CUBN: variants seen among roughly 807,000 people sequenced by gnomAD.
CUBN encodes cubilin, also known as 460 kDa receptor.
CUBN carries 282 observed loss-of-function variants against 405.3 expected under a neutral mutation model. The ratio of observed to expected loss-of-function variants is 0.70; its 90% CI spans 0.63 to 0.77. CUBN has a LOEUF of 0.77. Ranked by LOEUF, CUBN falls within the 30% of genes least tolerant of loss-of-function variation. The pLI is 0.00. For missense variants in CUBN, 4,514 were observed against 4,475.2 expected (o/e 1.01, Z -0.25); for synonymous variants, 1,684 against 1,617.0 (o/e 1.04, Z -0.99).
intron 59 of CUBN, among the ~76,000 whole-genome samples, chr10:16,861,674 GT>G (rs567330373): frequency 2.5e-3 from 383 of 152,174 alleles, no homozygotes; most frequent in Non-Finnish European, 4.5e-3. Context: ...TACAAACTGA[GT>G]TTGAATCTGG....
intron 22 of CUBN, among the ~76,000 whole-genome samples, chr10:17,052,139 A>C (rs1298266072): frequency 6.6e-6 from 1 of 152,190 alleles, no homozygotes; most frequent in East Asian, 1.9e-4. Flanking sequence ...AAGAAAATGG[A>C]ATACATCTTT....
At chr10:17,115,438 C>T in intron 7 of CUBN, 33 bp downstream of exon 7, 4 of 1,612,846 alleles carry the variant, frequency 2.5e-6, no homozygotes, top group East Asian at 4.5e-5. Context: ...CCATGGCTCT[C>T]TGCAAGGAGG....
At chr10:16,941,016 A>G (rs747823191) in intron 36 of CUBN, among the ~76,000 whole-genome samples, 26 of 152,230 alleles carry the variant, frequency 1.7e-4, no homozygotes, top group Non-Finnish European at 2.2e-4. Flanking sequence ...GATAGGAAAT[A>G]GTATCTACCT....
At chr10:17,106,319 A>T (rs1836628779) in intron 10 of CUBN, among the ~76,000 whole-genome samples, 1 of 149,800 alleles carries the variant, frequency 6.7e-6, no homozygotes, top group Non-Finnish European at 1.5e-5. Flanking sequence ...TAATAATAAT[A>T]CTAATAAAGA....
chr10:16,892,125 G>C (rs553871897), intron 54 of CUBN, among the ~76,000 whole-genome samples: 1 of 152,244 alleles, frequency 6.6e-6, no homozygotes, highest in Admixed American at 6.5e-5. Flanking sequence ...ATGTGAAATA[G>C]CACTGATTCA....
At chr10:16,826,586 AC>A (rs1341336235) in intron 66 of CUBN, among the ~76,000 whole-genome samples, 2 of 152,250 alleles carry the variant, frequency 1.3e-5, no homozygotes, top group African/African-American at 2.4e-5. Context: ...AAGAAAAAAA[AC>A]AATTACACAT....
intron 9 of CUBN, 103 bp downstream of exon 9, chr10:17,110,816 C>A: frequency 6.4e-7 from 1 of 1,560,174 alleles, no homozygotes; most frequent in African/African-American, 1.4e-5. Flanking sequence ...AGCAACTGCA[C>A]TCAGCCAGAA....
Position 17,065,494 on chromosome 10 carries a change from T to C in CUBN, c.3139+14A>G, listed in dbSNP as rs1487125437. The C allele has an allele frequency of 1.2e-6, 2 of 1,612,800 alleles. No homozygotes were observed. The highest frequency in any genetic ancestry group is 8.5e-7 in the Non-Finnish European group (1 of 1,178,994). On this transcript the variant is annotated intron_variant, in intron 22 of 66. Coordinates refer to ENST00000377833, the MANE Select transcript of CUBN (RefSeq NM_001081.4). ...GGAGTCAATAAAACCGAGTATGCAA[T>C]GCTGTTTTGTTACCTGTTGCTGCAC... is the stretch of plus-strand genomic sequence containing the variant.
intron 60 of CUBN, among the ~76,000 whole-genome samples, chr10:16,842,121 T>C (rs1338967448): frequency 6.6e-6 from 1 of 151,676 alleles, no homozygotes; most frequent in Non-Finnish European, 1.5e-5. Context: ...CATAGCTCAC[T>C]GCAACCTTGA....
At position 16,851,461 on chromosome 10, in the gene CUBN, C is replaced by T; in HGVS notation, c.9455-18G>A. 2 of 1,610,128 alleles carry T rather than the reference C, an allele frequency of 1.2e-6. 1 individual carries two copies. The highest frequency in any genetic ancestry group is 3.3e-4 in the Middle Eastern group (2 of 6,060). On this transcript the variant is annotated intron_variant, in intron 59 of 66. Coordinates refer to ENST00000377833, the MANE Select transcript of CUBN (RefSeq NM_001081.4). Reference sequence around the variant, plus strand: ...CTGAGGCCCTGCATTAAAACAAAGACATCACTATGCAGACCAAACAGAACC... The same window carrying T: ...CTGAGGCCCTGCATTAAAACAAAGATATCACTATGCAGACCAAACAGAACC...
chr10:16,928,189 G>T lies in CUBN; in HGVS notation c.6239C>A (p.Thr2080Asn), dbSNP rs1209484195. ...AAAGGATGCATTGAAGCCTGCCCTG[G>T]TTACACTGGAGTCCGAGGTGAAGCG... ...FIRFTSDSSV[T>N]RAGFNASFHK... Residue 2080 changes from threonine (T) to asparagine (N), a missense_variant, in exon 41 of 67, where the codon ACC (threonine) becomes AAC (asparagine). This residue lies in a region of CUBN where 1,613 missense variants were observed against 1,542.8 expected (regional missense o/e 1.05). Transcript: ENST00000377833. 9 of 1,613,774 alleles carry T rather than the reference G, an allele frequency of 5.6e-6. No individual in the cohort carries two copies. Among genetic ancestry groups the T allele is most frequent in the African/African-American group, 2.7e-5 (2 of 74,892 alleles).
rs558667049 is a variant in CUBN, at chr10:16,911,874, G to A, written c.7533+1937C>T. Among the ~76,000 whole-genome samples, 3 of 152,148 alleles carry A rather than the reference G, an allele frequency of 2.0e-5. No homozygotes were observed. In the South Asian group the frequency reaches 6.2e-4, roughly 32 times the overall value. The stretch of plus-strand genomic sequence containing the variant: ...CATTATATTTATAACCAGAAAAATA[G>A]ATTAAAATCAGAATTCAAGTGGATT... On this transcript the variant is annotated intron_variant, in intron 48 of 66. Transcript: ENST00000377833.
intron 43 of CUBN, 138 bp from the exon 44 acceptor site, chr10:16,920,275 T>C: frequency 1.1e-6 from 1 of 941,074 alleles, no homozygotes; most frequent in Non-Finnish European, 1.7e-6. Flanking sequence ...CATTTTCTTT[T>C]CCAGCAAACA....
chr10:17,013,201 C>T (rs1834230604), intron 28 of CUBN, among the ~76,000 whole-genome samples: 1 of 152,154 alleles, frequency 6.6e-6, no homozygotes, highest in African/African-American at 2.4e-5. Flanking sequence ...GTCTCTTCCT[C>T]TCTTTCCTTC....
intron 62 of CUBN, among the ~76,000 whole-genome samples, chr10:16,839,430 G>A (rs113648469): frequency 3.9e-5 from 6 of 152,010 alleles, no homozygotes; most frequent in African/African-American, 1.2e-4. Context: ...CTTCTCAAAA[G>A]AAGACATTTA....
At chr10:17,005,378 T>C (rs1833988436) in intron 28 of CUBN, among the ~76,000 whole-genome samples, 1 of 152,216 alleles carries the variant, frequency 6.6e-6, no homozygotes, top group Non-Finnish European at 1.5e-5. Flanking sequence ...TTATGCTTTA[T>C]ACATTAAAGA....
chr10:16,887,012 T>C (rs961526404), intron 56 of CUBN, among the ~76,000 whole-genome samples: 54 of 152,330 alleles, frequency 3.5e-4, no homozygotes, highest in Middle Eastern at 3.4e-3. Context: ...GGTCTCGAAC[T>C]CCCGACCTCA....
intron 41 of CUBN, among the ~76,000 whole-genome samples, chr10:16,927,934 C>T (rs767405443): frequency 6.6e-6 from 1 of 152,172 alleles, no homozygotes; most frequent in Non-Finnish European, 1.5e-5. Context: ...ACACCAGAGA[C>T]CTGAAGGCAG....
chr10:16,886,223 T>A (rs1025763018), intron 56 of CUBN, among the ~76,000 whole-genome samples: 1 of 152,212 alleles, frequency 6.6e-6, no homozygotes, highest in Non-Finnish European at 1.5e-5. Context: ...CAGAGATGTA[T>A]GAAAAGGCAG....
Sources: gnomAD v4.1 joint callset for allele counts (sites outside exome capture counted in the v4.1 genomes callset) on GRCh38, gnomAD v4.1.1 for gene constraint, gnomAD v4.1.1 regional missense constraint, MANE v1.5 for transcripts, NCBI Gene and HGNC (gene_info 2026-07-23, HGNC 2026-07-21) for gene names.